Variants in CADM1 observed in about 807,000 individuals in gnomAD.
CADM1 encodes the protein TSLC-1.
In CADM1, 15 loss-of-function variants were observed where a neutral mutation model predicts 53.1. The ratio of observed to expected loss-of-function variants is 0.28; its 90% CI spans 0.19 to 0.44. The LOEUF (loss-of-function observed/expected upper bound fraction) is 0.44. CADM1 is among the 20% of genes least tolerant of loss of function. CADM1 has a pLI of 1.00. For synonymous variants in CADM1, 281 were observed against 243.0 expected (o/e 1.16, Z -1.45); for missense variants, 434 against 611.3 (o/e 0.71, Z 3.06).
At chr11:115,217,175 T>C (rs1050634276) in intron 6 of CADM1, among the ~76,000 whole-genome samples, 5 of 152,160 alleles carry the variant, frequency 3.3e-5, no homozygotes, top group Admixed American at 1.3e-4. Context: ...AACTGAATAA[T>C]AGTTAAAATG....
intron 5 of CADM1, among the ~76,000 whole-genome samples, chr11:115,227,472 G>A (rs2134833367): frequency 6.6e-6 from 1 of 152,262 alleles, no homozygotes; most frequent in East Asian, 1.9e-4. Flanking sequence ...TATCTACTCA[G>A]GACGTACAAA....
At chr11:115,447,893 A>G (rs1455234815) in intron 1 of CADM1, among the ~76,000 whole-genome samples, 2 of 152,168 alleles carry the variant, frequency 1.3e-5, no homozygotes, top group African/African-American at 2.4e-5. Context: ...TCAGCTTGGG[A>G]AAGGTGTTCT....
At chr11:115,465,883 C>T (rs314494) in intron 1 of CADM1, among the ~76,000 whole-genome samples, 131,725 of 152,162 alleles carry the variant, frequency 0.87, 57,453 homozygotes, top group East Asian at 0.99. Flanking sequence ...ATGAGCACCA[C>T]TGGCTTTAAT....
chr11:115,350,906 G>C (rs549675184), intron 1 of CADM1, among the ~76,000 whole-genome samples: 1 of 146,396 alleles, frequency 6.8e-6, no homozygotes, highest in Non-Finnish European at 1.5e-5. Flanking sequence ...TTCACTTGCC[G>C]CATTCTTTTA....
intron 1 of CADM1, among the ~76,000 whole-genome samples, chr11:115,243,431 T>G (rs11215444): frequency 6.6e-6 from 1 of 152,232 alleles, no homozygotes; most frequent in Non-Finnish European, 1.5e-5. Flanking sequence ...GATGTCATTC[T>G]GTAAATATCA....
At chr11:115,195,004 T>C (rs77087839) in intron 9 of CADM1, among the ~76,000 whole-genome samples, 2 of 152,356 alleles carry the variant, frequency 1.3e-5, no homozygotes, top group East Asian at 3.9e-4. Context: ...GTTTTTTGCA[T>C]TGCTCAACAT....
In CADM1 at chr11:115,424,758, T is replaced by C. The variant is rs45567236; in HGVS notation, c.124+79513A>G. On this transcript the variant is annotated intron_variant, in intron 1 of 11. Coordinates refer to ENST00000331581, the MANE Select transcript of CADM1 (RefSeq NM_001301043.2). Reference sequence around the variant, plus strand: ...CCAGGCTTGTTTTGAACTCCTGACCTCAAATGATCTGCCCACCTCGGCCTC... The same window carrying C: ...CCAGGCTTGTTTTGAACTCCTGACCCCAAATGATCTGCCCACCTCGGCCTC... Among the ~76,000 whole-genome samples, 437 of 152,172 alleles carry C rather than the reference T, an allele frequency of 2.9e-3. 3 individuals carry two copies. The highest frequency in any genetic ancestry group is 9.1e-3 in the African/African-American group (377 of 41,524).
At chr11:115,395,544 T>G (rs551042545) in intron 1 of CADM1, among the ~76,000 whole-genome samples, 1 of 152,268 alleles carries the variant, frequency 6.6e-6, no homozygotes, top group African/African-American at 2.4e-5. Context: ...AAGAAGGATT[T>G]GGGTGAGAGA....
chr11:115,389,397 A>AGTTT (rs1946777910), intron 1 of CADM1, among the ~76,000 whole-genome samples: 2 of 152,344 alleles, frequency 1.3e-5, no homozygotes, highest in African/African-American at 4.8e-5. Flanking sequence ...TATTTCTGGA[A>AGTTT]ATATCACCTC....
chr11:115,178,869 CT>C (rs1939174396), intron 10 of CADM1, 94 bp from the exon 11 acceptor site: 4 of 1,356,978 alleles, frequency 2.9e-6, no homozygotes, highest in Non-Finnish European at 3.1e-6. Flanking sequence ...GGGTCACCTT[CT>C]TTTTTAATGG....
At chr11:115,274,392 G>T (rs1014855115) in intron 1 of CADM1, among the ~76,000 whole-genome samples, 4 of 152,226 alleles carry the variant, frequency 2.6e-5, no homozygotes, top group Non-Finnish European at 4.4e-5. Context: ...CATCAATCTG[G>T]TAGTTATCGC....
chr11:115,263,195 C>A lies in CADM1; in HGVS notation c.125-22775G>T, dbSNP rs552593260. On this transcript the variant is annotated intron_variant, in intron 1 of 11. Coordinates refer to ENST00000331581, the MANE Select transcript of CADM1 (RefSeq NM_001301043.2). ...GATCCATCGGTCAAGGTGATGTATG[C>A]CAGGTTTCTCCACTGAAAAATTATG... 3.3e-5 allele frequency among the ~76,000 whole-genome samples: 5 copies of A among 152,312 alleles called. No individual in the cohort carries two copies. In the South Asian group the frequency reaches 1.0e-3, roughly 32 times the overall value.
intron 1 of CADM1, among the ~76,000 whole-genome samples, chr11:115,348,256 A>T (rs1365952690): frequency 1.3e-5 from 2 of 152,322 alleles, no homozygotes; most frequent in African/African-American, 4.8e-5. Context: ...TGAAAAGATT[A>T]CTATAAGAAG....
At chr11:115,340,711 A>T (rs1285245476) in intron 1 of CADM1, among the ~76,000 whole-genome samples, 4 of 122,726 alleles carry the variant, frequency 3.3e-5, no homozygotes, top group African/African-American at 1.3e-4. Flanking sequence ...CCCAGGCTGC[A>T]GTGTAGTGGC....
intron 1 of CADM1, among the ~76,000 whole-genome samples, chr11:115,291,302 T>G (rs980612423): frequency 3.9e-5 from 6 of 152,236 alleles, no homozygotes; most frequent in Non-Finnish European, 8.8e-5. Context: ...AATCACTGAA[T>G]TTCTTTCTCC....
intron 1 of CADM1, among the ~76,000 whole-genome samples, chr11:115,480,355 A>G (rs1196136177): frequency 2.0e-5 from 3 of 152,168 alleles, no homozygotes; most frequent in African/African-American, 7.2e-5. Flanking sequence ...GTAGCAAGGG[A>G]ACAACAAAGA....
intron 1 of CADM1, among the ~76,000 whole-genome samples, chr11:115,365,283 G>C (rs1410307524): frequency 6.6e-6 from 1 of 152,158 alleles, no homozygotes; most frequent in Non-Finnish European, 1.5e-5. Flanking sequence ...AAATTAAGCA[G>C]AATGTTTGAA....
intron 1 of CADM1, among the ~76,000 whole-genome samples, chr11:115,476,443 A>T (rs1239316299): frequency 6.6e-6 from 1 of 152,118 alleles, no homozygotes; most frequent in Admixed American, 6.5e-5. Flanking sequence ...TTTTCCTCTG[A>T]GGCAGGTTTA....
At chr11:115,466,014 T>C (rs1948892514) in intron 1 of CADM1, among the ~76,000 whole-genome samples, 2 of 152,138 alleles carry the variant, frequency 1.3e-5, no homozygotes, top group Admixed American at 6.6e-5. Flanking sequence ...TCCAGCAATG[T>C]GACTATGATT....
Sources: allele counts gnomAD v4.1 joint callset (sites outside exome capture counted in the v4.1 genomes callset), GRCh38; gene constraint gnomAD v4.1.1; transcripts MANE v1.5; gene names NCBI Gene and HGNC (gene_info 2026-07-23, HGNC 2026-07-21).